Variants in FASTKD2 observed in about 807,000 individuals in gnomAD.
The protein encoded by FASTKD2 is FAST kinase domain-containing protein 2, mitochondrial.
Under a neutral mutation model 63.6 loss-of-function variants are expected in FASTKD2, and 51 were observed. The observed-to-expected ratio is 0.80, with a 90% CI of 0.64 to 1.01. FASTKD2 has a LOEUF of 1.01. FASTKD2 is among the 50% of genes least tolerant of loss of function. The pLI, the probability that FASTKD2 is intolerant of heterozygous loss-of-function variation, is 0.00. For missense variants in FASTKD2, 786 were observed against 831.1 expected, an observed-to-expected ratio of 0.95 and a Z score of 0.67; for synonymous variants, 284 against 293.4, an observed-to-expected ratio of 0.97 and a Z score of 0.33.
At position 206,793,220 on chromosome 2, in the gene FASTKD2, C is replaced by CAAAAAAAAAAAAAAAAA. The variant is rs58656956; in HGVS notation, c.*1433_*1449dup. On this transcript the variant is annotated 3_prime_UTR_variant, in exon 12 of 12. Transcript: ENST00000402774. ...CTGACCACAGAGCGAGACTCTGTCT[C>CAAAAAAAAAAAAAAAAA]AAAAAAAAAAAAAAAAAAAAAAAAA... Among the ~76,000 whole-genome samples, 7 of 65,820 alleles carry CAAAAAAAAAAAAAAAAA rather than the reference C, an allele frequency of 1.1e-4. No individual in the cohort carries two copies. Among genetic ancestry groups the CAAAAAAAAAAAAAAAAA allele is most frequent in the African/African-American group, 3.1e-4 (5 of 16,240 alleles). The allele number at this position is 65,820 out of a possible 152,430, so 43.2% of individuals were successfully genotyped here. A position where few individuals can be genotyped will look rare whatever the true frequency, so the allele number is the denominator to read the frequency against.
intron 2 of FASTKD2, among the ~76,000 whole-genome samples, chr2:206,768,837 C>T (rs1689594223): frequency 6.6e-6 from 1 of 152,138 alleles, no homozygotes; most frequent in Admixed American, 6.5e-5. Flanking sequence ...CTGTGATTTC[C>T]ATATGTCCTT....
chr2:206,770,265 G>A (rs2105972894), intron 3 of FASTKD2, 71 bp downstream of exon 3: 1 of 1,013,770 alleles, frequency 9.9e-7, no homozygotes, highest in East Asian at 2.4e-5. Flanking sequence ...AAAAAATTGA[G>A]ATGAAAACTA....
At chr2:206,768,516 C>A (rs1031582706) in intron 2 of FASTKD2, among the ~76,000 whole-genome samples, 1 of 152,054 alleles carries the variant, frequency 6.6e-6, no homozygotes, top group African/African-American at 2.4e-5. Context: ...GCCTGGGCAA[C>A]AAAGGGAGAC....
intron 7 of FASTKD2, among the ~76,000 whole-genome samples, chr2:206,776,437 A>G (rs1559362193): frequency 1.3e-5 from 2 of 151,920 alleles, no homozygotes; most frequent in Non-Finnish European, 2.9e-5. Context: ...AAAAAAAATC[A>G]TTGCCTAACT....
chr2:206,772,821 C>T (rs1394664589), intron 6 of FASTKD2, among the ~76,000 whole-genome samples: 2 of 152,014 alleles, frequency 1.3e-5, no homozygotes, highest in African/African-American at 2.4e-5. Context: ...GTGTTCTAAG[C>T]GTGTTTAAAG....
intron 2 of FASTKD2, among the ~76,000 whole-genome samples, chr2:206,768,447 T>G (rs1214027923): frequency 6.6e-6 from 1 of 152,210 alleles, no homozygotes; most frequent in African/African-American, 2.4e-5. Context: ...ACACCTGTAA[T>G]CCCAGCACTT....
In FASTKD2 at chr2:206,765,622, C is replaced by T. The variant is rs1574658821; in HGVS notation, c.-176C>T. The T allele has an allele frequency of 4.4e-5, 35 of 796,880 alleles. No individual in the cohort carries two copies. The highest frequency in any genetic ancestry group is 5.3e-5 in the Non-Finnish European group (34 of 639,242). The allele number at this position is 796,880 out of a possible 1,614,324, so 49.4% of individuals were successfully genotyped here. A position where few individuals can be genotyped will look rare whatever the true frequency, so the allele number is the denominator to read the frequency against. On this transcript the variant is annotated 5_prime_UTR_variant, in exon 1 of 12. Transcript: ENST00000402774. The stretch of plus-strand genomic sequence containing the variant: ...CTTCTCGGGGAAGCTGTCATGGCTG[C>T]TCCTGTACGTAGTCACGGTCTTGTG...
intron 11 of FASTKD2, 105 bp from the exon 12 acceptor site, chr2:206,791,578 A>G (rs763188484): frequency 2.1e-5 from 23 of 1,082,594 alleles, no homozygotes; most frequent in Non-Finnish European, 3.1e-5. Context: ...ATTTGCTTTC[A>G]AAAAGCTATT....
chr2:206,771,268 T>A lies in FASTKD2; in HGVS notation c.968T>A (p.Ile323Asn), dbSNP rs1393697150. 6.2e-7 allele frequency: 1 copy of A among 1,606,522 alleles called. No individual in the cohort carries two copies. The highest frequency in any genetic ancestry group is 1.7e-5 in the Admixed American group (1 of 59,992). Residue 323 changes from isoleucine to asparagine, a missense_variant, in exon 4 of 12, where the codon ATT becomes AAT. Transcript: ENST00000402774. ...AAGTGTATTGGAAAAGATGCACCGA[T>A]TGCTCTTAAGAGGAAACTGGAGGTA... Reference protein sequence around the residue: ...VMKCIGKDAPIALKRKLEMKA... With the variant: ...VMKCIGKDAPNALKRKLEMKA...
At chr2:206,770,278 C>A in intron 3 of FASTKD2, 84 bp downstream of exon 3, 1 of 913,146 alleles carries the variant, frequency 1.1e-6, no homozygotes, top group Non-Finnish European at 1.8e-6. Flanking sequence ...GAAAACTAAA[C>A]TCCTTTCTTG....
intron 6 of FASTKD2, among the ~76,000 whole-genome samples, chr2:206,773,203 T>C (rs1301442136): frequency 6.6e-6 from 1 of 150,378 alleles, no homozygotes; most frequent in Non-Finnish European, 1.5e-5. Flanking sequence ...TAATCCCAGC[T>C]ACTAGGGGGG....
Position 206,765,615 on chromosome 2 carries a change from A to T in FASTKD2, c.-183A>T. The stretch of plus-strand genomic sequence containing the variant: ...AGCGCAGCTTCTCGGGGAAGCTGTC[A>T]TGGCTGCTCCTGTACGTAGTCACGG... On this transcript the variant is annotated 5_prime_UTR_variant, in exon 1 of 12. It removes an upstream start codon present in the reference 5' UTR. Coordinates refer to ENST00000402774, the MANE Select transcript of FASTKD2 (RefSeq NM_001136193.2). The T allele has an allele frequency of 1.2e-6, 1 of 863,760 alleles. No homozygotes were observed. Among genetic ancestry groups the T allele is most frequent in the Non-Finnish European group, 1.4e-6 (1 of 697,586 alleles). 53.5% of individuals were successfully genotyped at this position (863,760 alleles called of 1,614,324 possible).
chr2:206,768,619 G>A (rs1161663897), intron 2 of FASTKD2, among the ~76,000 whole-genome samples: 1 of 152,186 alleles, frequency 6.6e-6, no homozygotes, highest in Non-Finnish European at 1.5e-5. Context: ...AATATCACTT[G>A]AGCCTGGGAG....
Position 206,774,339 on chromosome 2 carries a change from C to T in FASTKD2, c.1369C>T (p.Leu457=). Residue 457 remains leucine, a synonymous_variant, in exon 7 of 12, where the codon CTA becomes TTA. Coordinates refer to ENST00000402774, the MANE Select transcript of FASTKD2 (RefSeq NM_001136193.2). ...TGAATCCCTAAACATGAAAAACATT[C>T]TATCTATTCTTCATACTTACTCTTC... ...DPESLNMKNI[L]SILHTYSSLN... is the part of the protein sequence containing the mutation. 6.2e-7 allele frequency: 1 copy of T among 1,600,586 alleles called. No homozygotes were observed. Among genetic ancestry groups the T allele is most frequent in the Non-Finnish European group, 8.6e-7 (1 of 1,168,458 alleles).
Position 206,770,135 on chromosome 2 carries a change from A to C in FASTKD2, c.822A>C (p.Ser274=). Residue 274 remains serine (S), a synonymous_variant, in exon 3 of 12, where the codon TCA becomes TCC. Coordinates refer to ENST00000402774, the MANE Select transcript of FASTKD2 (RefSeq NM_001136193.2). ...ATGAGATATGCCTTTCAGTTTTGTC[A>C]ACTGTTTTAGAGGCAATGGAACCAT... ...ECDEICLSVL[S]TVLEAMEPCK... is the part of the protein sequence containing the mutation. 6.2e-7 allele frequency: 1 copy of C among 1,612,728 alleles called. No individual in the cohort carries two copies. Among genetic ancestry groups the C allele is most frequent in the Non-Finnish European group, 8.5e-7 (1 of 1,178,754 alleles).
rs10194665 is a variant in FASTKD2, at chr2:206,791,811, T to C, written c.*9T>C. The C allele has an allele frequency of 2.8e-3, 4,510 of 1,610,776 alleles. 108 individuals carry two copies. The African/African-American group carries it at 0.051, about 18-fold the overall frequency. On this transcript the variant is annotated 3_prime_UTR_variant, in exon 12 of 12. Transcript: ENST00000402774. ...TGCAAAGCACACAATAAAGTGAAAATCAACCTTTTCATATTAGGAGACATG... is the reference window on the plus strand; with the variant it reads ...TGCAAAGCACACAATAAAGTGAAAACCAACCTTTTCATATTAGGAGACATG...
rs1690430761 is a variant in FASTKD2 at position 206,795,689 on chromosome 2, C to T, written c.*3887C>T. Reference sequence around the variant, plus strand: ...CTTAGCTTCCTCTATGCAGATGTACCTACTTGAAACTGGGAAGGCCAAATG... The same window carrying T: ...CTTAGCTTCCTCTATGCAGATGTACTTACTTGAAACTGGGAAGGCCAAATG... On this transcript the variant is annotated 3_prime_UTR_variant, in exon 12 of 12. Transcript: ENST00000402774. 6.6e-6 allele frequency among the ~76,000 whole-genome samples: 1 copy of T among 152,178 alleles called. No individual in the cohort carries two copies. The highest frequency in any genetic ancestry group is 2.4e-5 in the African/African-American group (1 of 41,436).
chr2:206,771,363 A>C (rs983668248), intron 4 of FASTKD2, 73 bp downstream of exon 4: 3 of 887,730 alleles, frequency 3.4e-6, no homozygotes, highest in African/African-American at 3.3e-5. Context: ...CACTGCCTGA[A>C]GTCAATTTTC....
At position 206,766,640 on chromosome 2, in the gene FASTKD2, A is replaced by G; in HGVS notation, c.-50-4A>G. The G allele has an allele frequency of 7.0e-7, 1 of 1,437,364 alleles. No homozygotes were observed. The highest frequency in any genetic ancestry group is 9.8e-7 in the Non-Finnish European group (1 of 1,019,756). 89.0% of individuals were successfully genotyped at this position (1,437,364 alleles called of 1,614,324 possible). On this transcript the variant is annotated splice_polypyrimidine_tract_variant and splice_region_variant and intron_variant, in intron 1 of 11. Coordinates refer to ENST00000402774, the MANE Select transcript of FASTKD2 (RefSeq NM_001136193.2). ...TATTCTTTTCATTACTTCTTCCCCT[A>G]CAGGAAAACGACAGCACGTGTTCTT...
Sources: allele counts gnomAD v4.1 joint callset (sites outside exome capture counted in the v4.1 genomes callset), GRCh38; gene constraint gnomAD v4.1.1; transcripts MANE v1.5; gene names NCBI Gene and HGNC (gene_info 2026-07-23, HGNC 2026-07-21).